EYS: variants seen among roughly 807,000 people sequenced by gnomAD.
EYS encodes the protein EGF-like photoreceptor maintenance factor, also known as protein eyes shut homolog.
In EYS, 250 loss-of-function variants were observed where a neutral mutation model predicts 282.1. That is an observed-to-expected ratio of 0.89 (90% CI 0.80 to 0.98). The LOEUF (loss-of-function observed/expected upper bound fraction) is 0.98. EYS is among the 50% of genes least tolerant of loss of function. The probability of loss-of-function intolerance (pLI) is 0.00; values close to 1 mark genes in which losing one functional copy is unlikely to be tolerated. For synonymous variants in EYS, 1,355 were observed against 1,282.9 expected, an observed-to-expected ratio of 1.06 and a Z score of -1.20; for missense variants, 4,016 against 3,709.0, an observed-to-expected ratio of 1.08 and a Z score of -2.15.
chr6:63,767,531 A>C (rs1288109277), intron 40 of EYS, among the ~76,000 whole-genome samples: 4 of 152,102 alleles, frequency 2.6e-5, no homozygotes, highest in Non-Finnish European at 4.4e-5. Context: ...AAGGAGGTGA[A>C]AGATCTTTAC....
At chr6:63,892,904 T>C (rs1214914137) in intron 35 of EYS, among the ~76,000 whole-genome samples, 1 of 151,832 alleles carries the variant, frequency 6.6e-6, no homozygotes, top group Non-Finnish European at 1.5e-5. Flanking sequence ...AACAACCCCA[T>C]CCAAAAGTAG....
chr6:64,455,938 A>G (rs921979625), intron 26 of EYS, among the ~76,000 whole-genome samples: 2 of 152,048 alleles, frequency 1.3e-5, no homozygotes, highest in Non-Finnish European at 2.9e-5. Context: ...TTTAATATTA[A>G]CCCATTATTT....
At chr6:63,854,908 A>G (rs1301794336) in intron 36 of EYS, among the ~76,000 whole-genome samples, 1 of 152,180 alleles carries the variant, frequency 6.6e-6, no homozygotes, top group Non-Finnish European at 1.5e-5. Context: ...CTTCTCATAT[A>G]ATGTAGACCT....
At chr6:64,354,256 A>T (rs572365367) in intron 29 of EYS, among the ~76,000 whole-genome samples, 43 of 151,750 alleles carry the variant, frequency 2.8e-4, no homozygotes, top group African/African-American at 1.0e-3. Context: ...CACAATCTTA[A>T]TTTTTTGTTA....
chr6:65,210,065 A>T (rs1766136856), intron 12 of EYS, among the ~76,000 whole-genome samples: 1 of 152,076 alleles, frequency 6.6e-6, no homozygotes, highest in Non-Finnish European at 1.5e-5. Context: ...TATTAAATTA[A>T]TAGTGAAATG....
intron 37 of EYS, among the ~76,000 whole-genome samples, chr6:63,796,232 C>T (rs1002097717): frequency 6.6e-6 from 1 of 152,032 alleles, no homozygotes; most frequent in Non-Finnish European, 1.5e-5. Context: ...TAGGGCGTAC[C>T]CCAGAAATTA....
intron 19 of EYS, among the ~76,000 whole-genome samples, chr6:64,865,957 G>A (rs1766412983): frequency 6.6e-6 from 1 of 151,990 alleles, no homozygotes; most frequent in Non-Finnish European, 1.5e-5. Flanking sequence ...TTTTACTGAA[G>A]TGGAACAGAA....
At chr6:64,458,336 A>C (rs1474512168) in intron 26 of EYS, among the ~76,000 whole-genome samples, 1 of 152,152 alleles carries the variant, frequency 6.6e-6, no homozygotes, top group Admixed American at 6.5e-5. Flanking sequence ...AACTATCTTT[A>C]GCATTTCATC....
chr6:63,792,252 T>C (rs1262049341), intron 37 of EYS, among the ~76,000 whole-genome samples: 2 of 151,832 alleles, frequency 1.3e-5, no homozygotes, highest in African/African-American at 4.8e-5. Context: ...GATGATAGCA[T>C]ACTATTCCCA....
intron 13 of EYS, among the ~76,000 whole-genome samples, chr6:65,004,102 A>G (rs1771557837): frequency 2.7e-5 from 4 of 147,488 alleles, no homozygotes; most frequent in African/African-American, 9.7e-5. Flanking sequence ...TATGTATAAA[A>G]TAGGCTAAAC....
At chr6:64,933,163 A>G (rs1768784331) in intron 15 of EYS, among the ~76,000 whole-genome samples, 1 of 152,058 alleles carries the variant, frequency 6.6e-6, no homozygotes, top group South Asian at 2.1e-4. Context: ...ATAATCAATT[A>G]AGGAAAGTAG....
intron 19 of EYS, among the ~76,000 whole-genome samples, chr6:64,869,934 T>C (rs192027725): frequency 5.9e-5 from 9 of 151,588 alleles, no homozygotes; most frequent in Admixed American, 2.6e-4. Context: ...ACTGAGAATA[T>C]CACTGCAGTC....
chr6:64,727,324 T>G (rs59250028), intron 22 of EYS, among the ~76,000 whole-genome samples: 16,326 of 152,246 alleles, frequency 0.11, 1,247 homozygotes, highest in East Asian at 0.35. Context: ...TTTTCTCACT[T>G]GCACAAAGCA....
intron 11 of EYS, among the ~76,000 whole-genome samples, chr6:65,317,857 T>C (rs190702357): frequency 0.014 from 733 of 51,384 alleles, 7 homozygotes; most frequent in East Asian, 0.065. Flanking sequence ...TTTCTTTCTT[T>C]CTTTCTTTCT....
intron 22 of EYS, among the ~76,000 whole-genome samples, chr6:64,770,446 A>T (rs1773491751): frequency 6.6e-6 from 1 of 151,970 alleles, no homozygotes. Context: ...AGTGGTGGTG[A>T]TCACTAATTG....
chr6:64,201,159 T>G (rs1199426183), intron 31 of EYS, among the ~76,000 whole-genome samples: 2 of 152,166 alleles, frequency 1.3e-5, no homozygotes, highest in East Asian at 1.9e-4. Flanking sequence ...CTTCACAGAA[T>G]TATCCATTCA....
rs530843015 is a variant in EYS at position 63,769,338 on chromosome 6, T to A, written c.7899-6705A>T. Among the ~76,000 whole-genome samples, 8 of 152,018 alleles carry A rather than the reference T, an allele frequency of 5.3e-5. No homozygotes were observed. The East Asian group carries it at 1.6e-3, about 29-fold the overall frequency. ...ACATGGCTCATAAATTTGATGATAG[T>A]TCAGGACATAAGGCAGATTTAATTA... On this transcript the variant is annotated intron_variant, in intron 40 of 42. Transcript: ENST00000503581.
intron 41 of EYS, among the ~76,000 whole-genome samples, chr6:63,758,659 C>G (rs1333522608): frequency 6.6e-6 from 1 of 152,066 alleles, no homozygotes. Flanking sequence ...GAACACGGCA[C>G]TAGAAGGCTC....
At chr6:64,680,743 C>G (rs2149903997) in intron 22 of EYS, among the ~76,000 whole-genome samples, 1 of 152,246 alleles carries the variant, frequency 6.6e-6, no homozygotes, top group Admixed American at 6.5e-5. Flanking sequence ...CCCTAGTTTG[C>G]TTGTACTGTG....
Sources: gnomAD v4.1 joint callset for allele counts (sites outside exome capture counted in the v4.1 genomes callset) on GRCh38, gnomAD v4.1.1 for gene constraint, MANE v1.5 for transcripts, NCBI Gene and HGNC (gene_info 2026-07-23, HGNC 2026-07-21) for gene names.